HS6ST3: variants seen among roughly 807,000 people sequenced by gnomAD.
HS6ST3 encodes the protein heparan-sulfate 6-O-sulfotransferase 3.
A neutral mutation model predicts 36.7 loss-of-function variants in HS6ST3; 12 were observed. The observed-to-expected ratio is 0.33, with a 90% confidence interval of 0.21 to 0.53. HS6ST3 has a LOEUF of 0.53. Ranked by LOEUF, HS6ST3 falls within the 20% of genes least tolerant of loss-of-function variation. HS6ST3 has a pLI of 0.95. For missense variants in HS6ST3, 584 were observed against 640.9 expected (o/e 0.91, Z 0.96); for synonymous variants, 240 against 257.5 (o/e 0.93, Z 0.65).
Position 96,629,298 on chromosome 13 carries a change from A to G in HS6ST3, c.708-203192A>G, listed in dbSNP as rs149340677. Among the ~76,000 whole-genome samples, 259 of 152,256 alleles carry G rather than the reference A, an allele frequency of 1.7e-3. 2 individuals are homozygous for G. Among genetic ancestry groups the G allele is most frequent in the African/African-American group, 6.0e-3 (249 of 41,552 alleles). On this transcript the variant is annotated intron_variant, in intron 1 of 1. Transcript: ENST00000376705. The stretch of plus-strand genomic sequence containing the variant: ...AGAAATTAAACTGTCTTATACATCA[A>G]TGTTTCTTTGTATTTGTCATATATG...
At chr13:96,372,277 G>GT (rs2055293728) in intron 1 of HS6ST3, among the ~76,000 whole-genome samples, 1 of 152,024 alleles carries the variant, frequency 6.6e-6, no homozygotes, top group African/African-American at 2.4e-5. Flanking sequence ...CCATTTGTAT[G>GT]TTTTCTAAAA....
At chr13:96,190,955 C>T (rs2139345527) in intron 1 of HS6ST3, among the ~76,000 whole-genome samples, 1 of 152,154 alleles carries the variant, frequency 6.6e-6, no homozygotes, top group African/African-American at 2.4e-5. Flanking sequence ...GGCCAGGACC[C>T]AGACATGATA....
intron 1 of HS6ST3, among the ~76,000 whole-genome samples, chr13:96,716,939 C>T (rs146529439): frequency 5.6e-4 from 86 of 152,260 alleles, no homozygotes; most frequent in Admixed American, 1.6e-3. Context: ...GAAGTAACAC[C>T]AGGCTGTAAT....
At chr13:96,476,078 G>A (rs1050111090) in intron 1 of HS6ST3, among the ~76,000 whole-genome samples, 1 of 152,118 alleles carries the variant, frequency 6.6e-6, no homozygotes, top group Non-Finnish European at 1.5e-5. Context: ...GAAAATAAGA[G>A]GTAGCTACAT....
intron 1 of HS6ST3, among the ~76,000 whole-genome samples, chr13:96,505,727 A>T (rs577757507): frequency 6.6e-6 from 1 of 152,176 alleles, no homozygotes; most frequent in Non-Finnish European, 1.5e-5. Context: ...AATTCCTTTC[A>T]TAAGCACACA....
Position 96,801,462 on chromosome 13 carries a change from C to A in HS6ST3, c.708-31028C>A, listed in dbSNP as rs745706809. On this transcript the variant is annotated intron_variant, in intron 1 of 1. Coordinates refer to ENST00000376705, the MANE Select transcript of HS6ST3 (RefSeq NM_153456.4). ...TCTGCTTGAATGGTGTTAATTTTCT[C>A]ACTTGATTTGTTTTCCTGTTGAAAA... Among the ~76,000 whole-genome samples the A allele has an allele frequency of 3.9e-4, 59 of 152,024 alleles. 1 individual carries two copies. Among genetic ancestry groups the A allele is most frequent in the Non-Finnish European group, 7.8e-4 (53 of 67,998 alleles).
intron 1 of HS6ST3, among the ~76,000 whole-genome samples, chr13:96,812,160 A>G (rs1878329039): frequency 6.6e-6 from 1 of 152,134 alleles, no homozygotes; most frequent in African/African-American, 2.4e-5. Context: ...CACCCACACA[A>G]GATGTTTGTT....
intron 1 of HS6ST3, among the ~76,000 whole-genome samples, chr13:96,257,139 A>C (rs2054641202): frequency 6.6e-6 from 1 of 152,140 alleles, no homozygotes; most frequent in Non-Finnish European, 1.5e-5. Context: ...TCGCCCCTTC[A>C]CTGTACTTAA....
At chr13:96,484,745 C>G (rs1193508087) in intron 1 of HS6ST3, among the ~76,000 whole-genome samples, 1 of 152,170 alleles carries the variant, frequency 6.6e-6, no homozygotes, top group Non-Finnish European at 1.5e-5. Flanking sequence ...ATCCATTCAT[C>G]CATTGATGGA....
At chr13:96,343,665 T>G (rs1334698545) in intron 1 of HS6ST3, among the ~76,000 whole-genome samples, 1 of 152,216 alleles carries the variant, frequency 6.6e-6, no homozygotes, top group Non-Finnish European at 1.5e-5. Context: ...TTTTTTCTTC[T>G]AACTCTTATA....
chr13:96,144,131 A>C (rs935271641), intron 1 of HS6ST3, among the ~76,000 whole-genome samples: 1 of 152,152 alleles, frequency 6.6e-6, no homozygotes, highest in Non-Finnish European at 1.5e-5. Context: ...CTATTTCTTC[A>C]TCAGTTTAAG....
chr13:96,318,464 C>T lies in HS6ST3; in HGVS notation c.707+226895C>T, dbSNP rs374181631. ...GGGAGAATTGCTTGAACCCGGGAAG[C>T]GGAGGTTGCAGTGAGCCTAGATCAT... On this transcript the variant is annotated intron_variant, in intron 1 of 1. Coordinates refer to ENST00000376705, the MANE Select transcript of HS6ST3 (RefSeq NM_153456.4). Among the ~76,000 whole-genome samples the T allele has an allele frequency of 1.1e-4, 16 of 152,192 alleles. 1 individual carries two copies. Among genetic ancestry groups the T allele is most frequent in the South Asian group, 2.1e-4 (1 of 4,826 alleles).
chr13:96,448,389 CTA>C (rs2055709650), intron 1 of HS6ST3, among the ~76,000 whole-genome samples: 1 of 152,124 alleles, frequency 6.6e-6, no homozygotes, highest in African/African-American at 2.4e-5. Flanking sequence ...TAAAATTACT[CTA>C]TGGTTTTTAA....
intron 1 of HS6ST3, among the ~76,000 whole-genome samples, chr13:96,529,663 A>G (rs1020628938): frequency 3.3e-5 from 5 of 152,164 alleles, no homozygotes; most frequent in Non-Finnish European, 7.4e-5. Flanking sequence ...GCCTATTACT[A>G]TGTAAACCAA....
At chr13:96,512,010 T>C (rs1594797113) in intron 1 of HS6ST3, among the ~76,000 whole-genome samples, 1 of 152,338 alleles carries the variant, frequency 6.6e-6, no homozygotes, top group East Asian at 1.9e-4. Context: ...CGTATATGTA[T>C]GTACAAAATT....
intron 1 of HS6ST3, among the ~76,000 whole-genome samples, chr13:96,451,929 A>C (rs2055730204): frequency 6.6e-6 from 1 of 152,218 alleles, no homozygotes; most frequent in Non-Finnish European, 1.5e-5. Flanking sequence ...CTTTATGTGT[A>C]GCAGCCTCAT....
chr13:96,625,893 T>C (rs2138997750), intron 1 of HS6ST3, among the ~76,000 whole-genome samples: 1 of 151,940 alleles, frequency 6.6e-6, no homozygotes, highest in African/African-American at 2.4e-5. Flanking sequence ...CAGGCTGGAA[T>C]CCAGTGGCGC....
chr13:96,292,696 C>T (rs2054836260), intron 1 of HS6ST3, among the ~76,000 whole-genome samples: 2 of 151,974 alleles, frequency 1.3e-5, no homozygotes, highest in Non-Finnish European at 1.5e-5. Flanking sequence ...GAACTCTGTT[C>T]CTAATGAGAA....
chr13:96,609,885 T>C (rs1261114110), intron 1 of HS6ST3, among the ~76,000 whole-genome samples: 1 of 152,256 alleles, frequency 6.6e-6, no homozygotes, highest in Non-Finnish European at 1.5e-5. Flanking sequence ...TATAGCCTTC[T>C]CCTTAAATCT....
Sources: allele counts gnomAD v4.1 joint callset (sites outside exome capture counted in the v4.1 genomes callset), GRCh38; gene constraint gnomAD v4.1.1; transcripts MANE v1.5; gene names NCBI Gene and HGNC (gene_info 2026-07-23, HGNC 2026-07-21).